Variants in ARFGEF3 observed in about 807,000 individuals in gnomAD.
ARFGEF3 encodes the protein ARFGEF family member 3, also known as brefeldin A-inhibited guanine nucleotide-exchange protein 3.
In ARFGEF3, 96 loss-of-function variants were observed where a neutral mutation model predicts 221.7. That is an observed-to-expected ratio of 0.43 (90% CI 0.37 to 0.51). ARFGEF3 has a LOEUF of 0.51. Ranked by LOEUF, ARFGEF3 falls within the 20% of genes least tolerant of loss-of-function variation. The probability of loss-of-function intolerance (pLI) is 0.00; values close to 1 mark genes in which losing one functional copy is unlikely to be tolerated. For synonymous variants in ARFGEF3, 1,145 were observed against 1,126.8 expected, an observed-to-expected ratio of 1.02 and a Z score of -0.32; for missense variants, 2,410 against 2,789.9, an observed-to-expected ratio of 0.86 and a Z score of 3.07.
Position 138,255,611 on chromosome 6 carries a change from G to A in ARFGEF3, c.946G>A (p.Gly316Arg), listed in dbSNP as rs754293988. 1.2e-5 allele frequency: 19 copies of A among 1,613,820 alleles called. No individual in the cohort carries two copies. The highest frequency in any genetic ancestry group is 2.2e-5 in the East Asian group (1 of 44,902). Residue 316 changes from glycine to arginine, a missense_variant, in exon 10 of 34, where the codon GGA (glycine) becomes AGA (arginine). By Grantham distance (125) the Gly-to-Arg change is moderately radical. Transcript: ENST00000251691. Reference sequence around the variant, plus strand: ...CTCCTGCACTGCGCCGGCCCTGAGCGGACCTGTGGCTCGGACTATCTATTA... The same window carrying A: ...CTCCTGCACTGCGCCGGCCCTGAGCAGACCTGTGGCTCGGACTATCTATTA... The part of the protein sequence containing the change: ...GCSCTAPALS[G>R]PVARTIYYIA...
intron 4 of ARFGEF3, among the ~76,000 whole-genome samples, chr6:138,218,985 C>T (rs1777929174): frequency 6.6e-6 from 1 of 151,756 alleles, no homozygotes; most frequent in African/African-American, 2.4e-5. Context: ...ATTTTTGTTG[C>T]CAACAGTGCA....
intron 21 of ARFGEF3, 111 bp from the exon 22 acceptor site, chr6:138,298,495 C>T (rs1779563131): frequency 1.3e-6 from 1 of 776,376 alleles, no homozygotes; most frequent in Non-Finnish European, 2.0e-6. Context: ...TTGATTTTAA[C>T]AGAATTGCTG....
rs922277739 is a variant in ARFGEF3, at chr6:138,182,136, T to C, written c.137+11423T>C. Among the ~76,000 whole-genome samples the C allele has an allele frequency of 2.6e-5, 4 of 152,248 alleles. No homozygotes were observed. The South Asian group carries it at 8.3e-4, about 32-fold the overall frequency. On this transcript the variant is annotated intron_variant, in intron 2 of 33. Coordinates refer to ENST00000251691, the MANE Select transcript of ARFGEF3 (RefSeq NM_020340.5). ...GTGTGAGACAGTGGACACACTGAGG[T>C]TGGAGGGGCTATGTAGCTGGCCAAG...
At chr6:138,218,136 T>A (rs1777908979) in intron 4 of ARFGEF3, 3 of 1,613,864 alleles carry the variant, frequency 1.9e-6, no homozygotes. Flanking sequence ...CATGGTCAAG[T>A]GTGTCTGCAA....
At chr6:138,284,883 T>A (rs558257738) in intron 14 of ARFGEF3, among the ~76,000 whole-genome samples, 2 of 152,222 alleles carry the variant, frequency 1.3e-5, no homozygotes, top group Non-Finnish European at 2.9e-5. Flanking sequence ...AGCCTATTGC[T>A]CCAAGGCTAC....
At chr6:138,214,304 A>T (rs1777792726) in intron 4 of ARFGEF3, among the ~76,000 whole-genome samples, 1 of 152,240 alleles carries the variant, frequency 6.6e-6, no homozygotes, top group Admixed American at 6.5e-5. Flanking sequence ...TAGTCTTGGC[A>T]CTTCTACATG....
chr6:138,196,542 G>A (rs1777426688), intron 2 of ARFGEF3, among the ~76,000 whole-genome samples: 1 of 152,212 alleles, frequency 6.6e-6, no homozygotes, highest in Admixed American at 6.5e-5. Context: ...CGTTGCTCTG[G>A]GTGAGTCCGT....
intron 8 of ARFGEF3, among the ~76,000 whole-genome samples, chr6:138,247,607 C>T (rs1441491496): frequency 1.3e-5 from 2 of 152,180 alleles, no homozygotes; most frequent in Non-Finnish European, 2.9e-5. Flanking sequence ...ACTATTGGCT[C>T]AACTACATTA....
At chr6:138,271,551 A>T (rs1319309756) in intron 12 of ARFGEF3, among the ~76,000 whole-genome samples, 1 of 152,232 alleles carries the variant, frequency 6.6e-6, no homozygotes, top group Non-Finnish European at 1.5e-5. Flanking sequence ...TAGCACTATT[A>T]TCCTCATTTT....
intron 2 of ARFGEF3, among the ~76,000 whole-genome samples, chr6:138,185,425 C>T (rs1777163577): frequency 6.6e-6 from 1 of 152,104 alleles, no homozygotes; most frequent in Non-Finnish European, 1.5e-5. Flanking sequence ...ATGCACCCTC[C>T]CTAAAGGAAT....
intron 2 of ARFGEF3, among the ~76,000 whole-genome samples, chr6:138,182,184 G>C (rs963511256): frequency 6.6e-6 from 1 of 152,224 alleles, no homozygotes; most frequent in Admixed American, 6.5e-5. Context: ...GTCCAGGGCA[G>C]AGCCAGGGCT....
chr6:138,235,799 C>T (rs1438968807), intron 5 of ARFGEF3, among the ~76,000 whole-genome samples: 3 of 152,176 alleles, frequency 2.0e-5, no homozygotes, highest in Non-Finnish European at 4.4e-5. Flanking sequence ...TCATCAAATA[C>T]ATGGTAATTT....
intron 25 of ARFGEF3, among the ~76,000 whole-genome samples, chr6:138,311,798 G>T (rs1426667403): frequency 1.3e-5 from 2 of 152,164 alleles, no homozygotes; most frequent in Admixed American, 6.5e-5. Flanking sequence ...TGAGGTTTTA[G>T]GGGAAGGGGT....
In ARFGEF3 at chr6:138,307,384, T is replaced by G. The variant is rs746460480; in HGVS notation, c.3960T>G (p.Gly1320=). The G allele has an allele frequency of 3.7e-6, 6 of 1,613,754 alleles. No individual in the cohort carries two copies. Among genetic ancestry groups the G allele is most frequent in the Non-Finnish European group, 5.1e-6 (6 of 1,179,736 alleles). The change falls in exon 23 of 34, where the codon GGT becomes GGG. Residue 1320 remains glycine (G), a synonymous_variant. Coordinates refer to ENST00000251691, the MANE Select transcript of ARFGEF3 (RefSeq NM_020340.5). The part of the protein sequence containing the change: ...NKSEMKEYLV[G]DYSMGKGQAP... ...CAGAGATGAAGGAGTACCTGGTTGG[T>G]GACTACTCCATGGGTAAGAATGTTT...
At chr6:138,324,750 G>C (rs550113466) in intron 31 of ARFGEF3, among the ~76,000 whole-genome samples, 65 of 152,324 alleles carry the variant, frequency 4.3e-4, no homozygotes, top group African/African-American at 1.4e-3. Context: ...TTAGAGCAAA[G>C]CCTAGAGAAG....
intron 12 of ARFGEF3, among the ~76,000 whole-genome samples, chr6:138,264,796 A>C (rs1778856253): frequency 6.6e-6 from 1 of 152,228 alleles, no homozygotes; most frequent in Non-Finnish European, 1.5e-5. Context: ...ACTGATGTGT[A>C]ACTTAACAAG....
At chr6:138,249,849 C>T (rs1778548402) in intron 8 of ARFGEF3, among the ~76,000 whole-genome samples, 1 of 152,118 alleles carries the variant, frequency 6.6e-6, no homozygotes. Context: ...GACTCCATTA[C>T]CCTAAAATGG....
At chr6:138,237,237 A>G (rs1778303517) in intron 5 of ARFGEF3, among the ~76,000 whole-genome samples, 1 of 152,208 alleles carries the variant, frequency 6.6e-6, no homozygotes, top group Non-Finnish European at 1.5e-5. Context: ...TCAGTTGTCA[A>G]TCATCAAATT....
chr6:138,169,642 T>A (rs1427353616), intron 1 of ARFGEF3, among the ~76,000 whole-genome samples: 4 of 152,174 alleles, frequency 2.6e-5, no homozygotes, highest in Non-Finnish European at 5.9e-5. Flanking sequence ...TTTCTTGTCA[T>A]CCTGTCTCAT....
Sources: allele counts gnomAD v4.1 joint callset (sites outside exome capture counted in the v4.1 genomes callset), GRCh38; gene constraint gnomAD v4.1.1; transcripts MANE v1.5; gene names NCBI Gene and HGNC (gene_info 2026-07-23, HGNC 2026-07-21).